CCND3: variants seen among roughly 807,000 people sequenced by gnomAD.
The protein encoded by CCND3 is G1/S-specific cyclin-D3.
In CCND3, 9 loss-of-function variants were observed where a neutral mutation model predicts 28.7. The observed-to-expected ratio is 0.31, with a 90% CI of 0.19 to 0.55. CCND3 has a LOEUF of 0.55. CCND3 is among the 20% of genes least tolerant of loss of function. CCND3 has a pLI of 0.93. For synonymous variants in CCND3, 164 were observed against 163.9 expected, an observed-to-expected ratio of 1.00 and a Z score of 0.00; for missense variants, 315 against 385.8, an observed-to-expected ratio of 0.82 and a Z score of 1.54.
In CCND3 at chr6:41,940,381, G is replaced by C. The variant is rs372683341; in HGVS notation, c.403C>G (p.Arg135Gly). Residue 135 changes from arginine (R) to glycine (G), a missense_variant, in exon 2 of 5, where the codon CGC (arginine) becomes GGC (glycine). Arg to Gly is a moderately radical substitution (Grantham distance 125, BLOSUM62 -2). Coordinates refer to ENST00000372991, the MANE Select transcript of CCND3 (RefSeq NM_001760.5). ...AGTTACACACGCACCCGCAACTGGC[G>C]GGGAGAGACAGCGTGGTCGGTGTAG... is the stretch of plus-strand genomic sequence containing the variant. Reference protein sequence around the residue: ...CIYTDHAVSPRQLRDWEVLVL... With the variant: ...CIYTDHAVSPGQLRDWEVLVL... The C allele has an allele frequency of 5.6e-6, 9 of 1,613,808 alleles. No homozygotes were observed. The highest frequency in any genetic ancestry group is 1.3e-5 in the African/African-American group (1 of 74,916).
intron 1 of CCND3, among the ~76,000 whole-genome samples, chr6:41,994,761 A>C (rs967486994): frequency 5.3e-5 from 8 of 152,020 alleles, no homozygotes; most frequent in South Asian, 2.1e-4. Context: ...TTTTGCTGTG[A>C]ACCAAATCTA....
chr6:42,013,623 CT>C (rs1463593653), intron 1 of CCND3, among the ~76,000 whole-genome samples: 1 of 152,182 alleles, frequency 6.6e-6, no homozygotes, highest in East Asian at 1.9e-4. Flanking sequence ...GAGGTGATTG[CT>C]TTGCAGAATC....
chr6:42,019,530 G>C lies in CCND3; in HGVS notation c.-46+28971C>G, dbSNP rs145559449. ...AAAAGGAAAGGAAATATAACACCAG[G>C]CATGCAAAATGGTCCTAACTTTGTA... On this transcript the variant is annotated intron_variant, in intron 1 of 4. Coordinates refer to the CCND3 transcript ENST00000372988. 8.8e-3 allele frequency among the ~76,000 whole-genome samples: 1,329 copies of C among 150,880 alleles called. 8 individuals carry two copies. Among genetic ancestry groups the C allele is most frequent in the Non-Finnish European group, 0.015 (1,015 of 67,806 alleles).
In CCND3 at chr6:42,047,113, T is replaced by G. The variant is rs118115943; in HGVS notation, c.-46+1388A>C. 2.2e-3 allele frequency among the ~76,000 whole-genome samples: 328 copies of G among 152,316 alleles called. 6 individuals carry two copies. In the East Asian group the frequency reaches 0.052, roughly 24 times the overall value. On this transcript the variant is annotated intron_variant, in intron 1 of 4. Coordinates refer to the CCND3 transcript ENST00000372988. ...CTGACAGTGTTATGTAACTGTTAGC[T>G]AGTATTCTAAGCCCTTGAGGGAAGG... is the stretch of plus-strand genomic sequence containing the variant.
chr6:42,031,256 C>T (rs1456699630), intron 1 of CCND3: 2 of 152,238 alleles, frequency 1.3e-5, no homozygotes, highest in Admixed American at 1.3e-4. Flanking sequence ...GTTATTGGGG[C>T]TTGAAGCTGA....
At chr6:41,948,832 C>T (rs948760976) in intron 1 of CCND3, among the ~76,000 whole-genome samples, 8 of 143,760 alleles carry the variant, frequency 5.6e-5, no homozygotes, top group African/African-American at 1.6e-4. Context: ...GACTACAGAA[C>T]GAGACTCCAT....
rs746582183 is a variant in CCND3 at position 41,940,433 on chromosome 6, C to G, written c.351G>C (p.Thr117=). ...TGCACAGTTTTTCGATGGTCAGGGG[C>G]GTGGTCTCGCGCAGCTTGGAGGCCA... The part of the protein sequence containing the change: ...MLLASKLRET[T]PLTIEKLCIY... Residue 117 remains threonine, a synonymous_variant, in exon 2 of 5, where the codon ACG becomes ACC. Coordinates refer to ENST00000372991, the MANE Select transcript of CCND3 (RefSeq NM_001760.5). 6.2e-7 allele frequency: 1 copy of G among 1,613,734 alleles called. No homozygotes were observed. Among genetic ancestry groups the G allele is most frequent in the East Asian group, 2.2e-5 (1 of 44,866 alleles).
intron 1 of CCND3, among the ~76,000 whole-genome samples, chr6:41,948,418 C>T (rs1189516092): frequency 6.6e-6 from 1 of 151,904 alleles, no homozygotes. Context: ...TCACTGCAGC[C>T]TCTATCTCCC....
At chr6:41,991,598 G>A (rs1436124693) in intron 1 of CCND3, among the ~76,000 whole-genome samples, 2 of 152,090 alleles carry the variant, frequency 1.3e-5, no homozygotes, top group Non-Finnish European at 1.5e-5. Flanking sequence ...TTTGTTTTGG[G>A]AGCATTCAGT....
At chr6:41,940,110 A>G (rs1177132975) in intron 2 of CCND3, among the ~76,000 whole-genome samples, 1 of 152,176 alleles carries the variant, frequency 6.6e-6, no homozygotes, top group African/African-American at 2.4e-5. Flanking sequence ...TCTGGGGGAA[A>G]GACCAGGAAG....
chr6:41,935,398 G>GAA lies in CCND3; in HGVS notation c.*541_*542insTT. The GAA allele has an allele frequency of 4.1e-6, 1 of 243,276 alleles. No individual in the cohort carries two copies. The highest frequency in any genetic ancestry group is 6.0e-5 in the East Asian group (1 of 16,788). 15.1% of individuals were successfully genotyped at this position (243,276 alleles called of 1,614,324 possible). A position where few individuals can be genotyped will look rare whatever the true frequency, so the allele number is the denominator to read the frequency against. On this transcript the variant is annotated 3_prime_UTR_variant, in exon 5 of 5. Transcript: ENST00000372991. ...AGGAATTTATAGCTTCTCTGGCTGA[G>GAA]GCCTAGGCCCCTCCCTCTAGGAGCA...
rs970430912 is a variant in CCND3 at position 41,939,994 on chromosome 6, G to A, written c.414+376C>T. Reference sequence around the variant, plus strand: ...CATTCCACTCCCCTACTCCAGTGGGGGTGTGCAGGCATGCCCTTCTGCTGC... The same window carrying A: ...CATTCCACTCCCCTACTCCAGTGGGAGTGTGCAGGCATGCCCTTCTGCTGC... On this transcript the variant is annotated intron_variant, in intron 2 of 4. Coordinates refer to ENST00000372991, the MANE Select transcript of CCND3 (RefSeq NM_001760.5). This position sits in a 1 kb window ranked among gnomAD's most constrained non-coding sequence, Gnocchi z 4.2. Among the ~76,000 whole-genome samples, 1 of 152,140 alleles carries A rather than the reference G, an allele frequency of 6.6e-6. No homozygotes were observed. Among genetic ancestry groups the A allele is most frequent in the African/African-American group, 2.4e-5 (1 of 41,404 alleles).
chr6:41,995,807 A>G (rs1762782740), intron 1 of CCND3, among the ~76,000 whole-genome samples: 1 of 151,936 alleles, frequency 6.6e-6, no homozygotes, highest in African/African-American at 2.4e-5. Flanking sequence ...CAATCCTAAC[A>G]CTTTGGGAGG....
At position 41,938,851 on chromosome 6, in the gene CCND3, CACACGGATT is replaced by C. The variant is rs1327498380; in HGVS notation, c.415-1466_415-1458del. Among the ~76,000 whole-genome samples, 2 of 152,178 alleles carry C rather than the reference CACACGGATT, an allele frequency of 1.3e-5. No homozygotes were observed. Among genetic ancestry groups the C allele is most frequent in the Non-Finnish European group, 2.9e-5 (2 of 68,024 alleles). On this transcript the variant is annotated intron_variant, in intron 2 of 4. Transcript: ENST00000372991. The surrounding 1 kb of genome is among the most constrained non-coding windows in gnomAD (Gnocchi z 4.6). ...CCTTGGGCCTCAGCCTCCTCTGCTG[CACACGGATT>C]TGGACCAACTGGAGTTCTCAGAGGT...
At chr6:42,046,517 G>A (rs1430661893) in intron 1 of CCND3, among the ~76,000 whole-genome samples, 1 of 152,200 alleles carries the variant, frequency 6.6e-6, no homozygotes, top group South Asian at 2.1e-4. Flanking sequence ...GGCACATCAC[G>A]TCCAAGTTGA....
At chr6:42,030,879 G>T (rs959352288) in intron 1 of CCND3, among the ~76,000 whole-genome samples, 2 of 152,164 alleles carry the variant, frequency 1.3e-5, no homozygotes, top group Non-Finnish European at 2.9e-5. Flanking sequence ...CAAGGCTGGA[G>T]GGGAGGCCCC....
intron 1 of CCND3, among the ~76,000 whole-genome samples, chr6:41,981,901 T>A (rs1762359674): frequency 6.6e-6 from 1 of 152,088 alleles, no homozygotes; most frequent in African/African-American, 2.4e-5. Flanking sequence ...CCCAAAAGGC[T>A]GAGGCAGGAG....
At chr6:42,003,544 A>C (rs1245522558) in intron 1 of CCND3, among the ~76,000 whole-genome samples, 2 of 65,132 alleles carry the variant, frequency 3.1e-5, no homozygotes, top group Non-Finnish European at 9.1e-5. Flanking sequence ...AAAAAAAAAA[A>C]AAAAAAAAAA....
At chr6:42,030,072 TACAGGTGTGTCC>T (rs963378835) in intron 1 of CCND3, 2 of 152,260 alleles carry the variant, frequency 1.3e-5, no homozygotes, top group African/African-American at 4.8e-5. Context: ...AGCTCAGGAA[TACAGGTGTGTCC>T]ACGGAGGCCT....
Sources: gnomAD v4.1 joint callset for allele counts (sites outside exome capture counted in the v4.1 genomes callset) on GRCh38, gnomAD v4.1.1 for gene constraint, Gnocchi (gnomAD v3.1) non-coding constraint, MANE v1.5 for transcripts, NCBI Gene and HGNC (gene_info 2026-07-23, HGNC 2026-07-21) for gene names.